The following HMCN1 variants were observed in gnomAD, a reference collection of about 807,000 sequenced individuals.
HMCN1 encodes the protein hemicentin 1.
A neutral mutation model predicts 625.9 loss-of-function variants in HMCN1; 321 were observed. The ratio of observed to expected loss-of-function variants is 0.51; its 90% CI spans 0.47 to 0.56. The LOEUF (loss-of-function observed/expected upper bound fraction) is 0.56. Ranked by LOEUF, HMCN1 falls within the 20% of genes least tolerant of loss-of-function variation. The pLI is 0.00. For missense variants in HMCN1, 6,588 were observed against 6,887.3 expected, an observed-to-expected ratio of 0.96 and a Z score of 1.54; for synonymous variants, 2,425 against 2,417.6, an observed-to-expected ratio of 1.00 and a Z score of -0.09.
At chr1:186,161,488 G>C (rs1240728266) in intron 97 of HMCN1, among the ~76,000 whole-genome samples, 1 of 151,684 alleles carries the variant, frequency 6.6e-6, no homozygotes, top group Non-Finnish European at 1.5e-5. Flanking sequence ...TATTTTGCTC[G>C]TTAGTTGATG....
At chr1:186,161,780 T>C (rs1308636680) in intron 97 of HMCN1, among the ~76,000 whole-genome samples, 250 of 152,322 alleles carry the variant, frequency 1.6e-3, no homozygotes, top group African/African-American at 5.6e-3. Flanking sequence ...GAGTTTCTGC[T>C]GAGAGATCCG....
At chr1:185,953,453 C>T (rs1457061308) in intron 11 of HMCN1, among the ~76,000 whole-genome samples, 1 of 151,732 alleles carries the variant, frequency 6.6e-6, no homozygotes, top group Non-Finnish European at 1.5e-5. Flanking sequence ...GTTTTGGGTC[C>T]ACGGATAAAA....
Position 185,911,751 on chromosome 1 carries a change from G to C in HMCN1, c.871G>C (p.Glu291Gln). The part of the protein sequence containing the change: ...HNSAKVVNVK[E>Q]PEAGMWTVKT... The stretch of plus-strand genomic sequence containing the variant: ...CTCTGCCAAAGTAGTGAATGTGAAA[G>C]AGCCAGAGGCTGGAATGTGGACAGT... The change falls in exon 6 of 107, where the codon GAG becomes CAG. Residue 291 changes from glutamate to glutamine, a missense_variant. By Grantham distance (29) the Glu-to-Gln change is conservative. Around this residue, in one of 3 missense-constraint regions of HMCN1, gnomAD observed 4,628 missense variants for 4,853.1 expected, o/e 0.95. Coordinates refer to ENST00000271588, the MANE Select transcript of HMCN1 (RefSeq NM_031935.3). 1 of 1,613,112 alleles carries C rather than the reference G, an allele frequency of 6.2e-7. No homozygotes were observed. The highest frequency in any genetic ancestry group is 8.5e-7 in the Non-Finnish European group (1 of 1,179,206).
intron 1 of HMCN1, among the ~76,000 whole-genome samples, chr1:185,823,756 A>G (rs759201387): frequency 3.3e-5 from 5 of 152,210 alleles, no homozygotes; most frequent in Non-Finnish European, 7.4e-5. Context: ...CTTTTTATTT[A>G]TAACTTAAGA....
intron 1 of HMCN1, among the ~76,000 whole-genome samples, chr1:185,753,090 T>G (rs920115018): frequency 6.6e-6 from 1 of 152,080 alleles, no homozygotes; most frequent in Non-Finnish European, 1.5e-5. Flanking sequence ...TCTAAATAGT[T>G]ACATAAATAG....
At chr1:186,023,781 T>C (rs1211613661) in intron 36 of HMCN1, among the ~76,000 whole-genome samples, 1 of 152,232 alleles carries the variant, frequency 6.6e-6, no homozygotes, top group Non-Finnish European at 1.5e-5. Flanking sequence ...ATTCATTTTC[T>C]CTAATTCACA....
intron 36 of HMCN1, 81 bp downstream of exon 36, chr1:186,023,234 C>A: frequency 1.6e-6 from 2 of 1,244,888 alleles, no homozygotes; most frequent in Non-Finnish European, 2.3e-6. Flanking sequence ...TATTGAATTA[C>A]AGTATAAAAG....
intron 36 of HMCN1, among the ~76,000 whole-genome samples, chr1:186,028,726 T>TTC (rs1655221815): frequency 5.2e-5 from 1 of 19,328 alleles, no homozygotes; most frequent in Non-Finnish European, 7.6e-5. Flanking sequence ...CTAAAGCATA[T>TTC]TTTTTTTTTT....
In HMCN1 at chr1:186,171,375, C is replaced by T. The variant is rs151210911; in HGVS notation, c.15613C>T (p.Arg5205Cys). The T allele has an allele frequency of 4.0e-5, 65 of 1,613,350 alleles. No individual in the cohort carries two copies. The highest frequency in any genetic ancestry group is 2.4e-4 in the South Asian group (22 of 91,072). The part of the protein sequence containing the change: ...ECQESSPCHQ[R>C]CFNAIGSFHC... ...TCAAGAATCCAGCCCCTGTCACCAG[C>T]GCTGTTTCAATGCCATAGGAAGTTT... is the stretch of plus-strand genomic sequence containing the variant. The change falls in exon 101 of 107, where the codon CGC becomes TGC. Residue 5205 changes from arginine (R) to cysteine (C), a missense_variant. By Grantham distance (180) the Arg-to-Cys change is radical (BLOSUM62 -3). This residue lies in a region of HMCN1 where 1,954 missense variants were observed against 2,013.1 expected (regional missense o/e 0.97). Coordinates refer to ENST00000271588, the MANE Select transcript of HMCN1 (RefSeq NM_031935.3).
At chr1:185,846,138 T>C in intron 2 of HMCN1, 42 bp downstream of exon 2, 1 of 1,401,170 alleles carries the variant, frequency 7.1e-7, no homozygotes, top group South Asian at 1.2e-5. Context: ...GAATGGAAAA[T>C]CATGAGCCTT....
In HMCN1 at chr1:186,027,764, T is replaced by C. The variant is rs115638666; in HGVS notation, c.5749+4611T>C. Among the ~76,000 whole-genome samples the C allele has an allele frequency of 9.2e-3, 1,395 of 152,310 alleles. 24 individuals carry two copies. The highest frequency in any genetic ancestry group is 0.032 in the African/African-American group (1,344 of 41,572). On this transcript the variant is annotated intron_variant, in intron 36 of 106. Transcript: ENST00000271588. ...ATATCTGTAAAGTCCCTCCTGCCTT[T>C]ACTCTTGGCCAGGAACTCTCTTGGG...
At position 185,744,155 on chromosome 1, in the gene HMCN1, A is replaced by AT. The variant is rs201702552; in HGVS notation, c.268+9121dup. On this transcript the variant is annotated intron_variant, in intron 1 of 106. Transcript: ENST00000271588. ...AGGCGCCCGCCACCACACCCAGCTA[A>AT]TTTTTTTTTTTTTAATTGTTAGTAG... is the stretch of plus-strand genomic sequence containing the variant. Among the ~76,000 whole-genome samples, 402 of 144,102 alleles carry AT rather than the reference A, an allele frequency of 2.8e-3. 5 individuals carry two copies. Among genetic ancestry groups the AT allele is most frequent in the African/African-American group, 8.7e-3 (344 of 39,518 alleles). 94.5% of individuals were successfully genotyped at this position (144,102 alleles called of 152,430 possible).
At chr1:186,189,404 G>T in intron 106 of HMCN1, 108 bp from the exon 107 acceptor site, 1 of 1,166,458 alleles carries the variant, frequency 8.6e-7, no homozygotes. Flanking sequence ...CAGCCAGGCT[G>T]CCTACTGCAT....
intron 1 of HMCN1, among the ~76,000 whole-genome samples, chr1:185,794,761 A>G (rs112261654): frequency 0.091 from 13,786 of 152,054 alleles, 2,018 homozygotes; most frequent in African/African-American, 0.31. Flanking sequence ...ACCTAGGATC[A>G]ATACTTTGCA....
At position 185,911,701 on chromosome 1, in the gene HMCN1, T is replaced by A; in HGVS notation, c.821T>A (p.Leu274Gln). Residue 274 changes from leucine to glutamine, a missense_variant, in exon 6 of 107, where the codon CTG (leucine) becomes CAG (glutamine). Leu to Gln is a moderately radical substitution (Grantham distance 113, BLOSUM62 -2). Coordinates refer to ENST00000271588, the MANE Select transcript of HMCN1 (RefSeq NM_031935.3). ...LGKLIKKGFG[L>Q]HELLNIHNSA... ...AAGCTGATAAAAAAGGGATTTGGCC[T>A]GCATGAGCTATTAAATATCCATAAC... 6.2e-7 allele frequency: 1 copy of A among 1,613,240 alleles called. No individual in the cohort carries two copies. The highest frequency in any genetic ancestry group is 8.5e-7 in the Non-Finnish European group (1 of 1,179,276).
intron 1 of HMCN1, among the ~76,000 whole-genome samples, chr1:185,806,759 A>G (rs1006420493): frequency 8.5e-5 from 13 of 152,178 alleles, no homozygotes; most frequent in South Asian, 2.1e-4. Flanking sequence ...AACCCACTAC[A>G]AAGTTTTGTA....
intron 63 of HMCN1, among the ~76,000 whole-genome samples, chr1:186,089,402 AT>A (rs1457181837): frequency 1.3e-5 from 2 of 151,988 alleles, no homozygotes; most frequent in Non-Finnish European, 2.9e-5. Context: ...TAGGGAAAGA[AT>A]TTCTCATAAA....
Position 185,906,741 on chromosome 1 carries a change from C to T in HMCN1, c.622-2596C>T, listed in dbSNP as rs964678491. 6.6e-5 allele frequency among the ~76,000 whole-genome samples: 10 copies of T among 151,516 alleles called. No homozygotes were observed. The Admixed American group carries it at 6.6e-4, about 10-fold the overall frequency. On this transcript the variant is annotated intron_variant, in intron 4 of 106. Transcript: ENST00000271588. ...AAACATCTCACAATTCTTGCTGGTA[C>T]TTGTTTTCTAATGTTTTTTTTTCTT...
chr1:186,006,540 C>T (rs959623676), intron 29 of HMCN1, among the ~76,000 whole-genome samples: 15 of 152,024 alleles, frequency 9.9e-5, no homozygotes, highest in Admixed American at 2.0e-4. Context: ...CAATCATATA[C>T]GAGCTTCTTT....
Sources: gnomAD v4.1 joint callset for allele counts (sites outside exome capture counted in the v4.1 genomes callset) on GRCh38, gnomAD v4.1.1 for gene constraint, gnomAD v4.1.1 regional missense constraint, MANE v1.5 for transcripts, NCBI Gene and HGNC (gene_info 2026-07-23, HGNC 2026-07-21) for gene names.